Variants in HTR3D observed in about 807,000 individuals in gnomAD.
The protein encoded by HTR3D is 5-hydroxytryptamine receptor 3D.
Under a neutral mutation model 45.8 loss-of-function variants are expected in HTR3D, and 47 were observed. That is an observed-to-expected ratio of 1.03 (90% CI 0.81 to 1.31). HTR3D has a LOEUF of 1.31. HTR3D is among the 50% of genes most tolerant of loss of function. The pLI, the probability that HTR3D is intolerant of heterozygous loss-of-function variation, is 0.00. For synonymous variants in HTR3D, 203 were observed against 199.8 expected (o/e 1.02, Z -0.13); for missense variants, 448 against 506.9 (o/e 0.88, Z 1.12).
Position 184,038,680 on chromosome 3 carries a change from T to C in HTR3D, c.985+56T>C. 1.3e-6 allele frequency: 2 copies of C among 1,569,998 alleles called. No individual in the cohort carries two copies. The highest frequency in any genetic ancestry group is 1.7e-6 in the Non-Finnish European group (2 of 1,156,244). On this transcript the variant is annotated intron_variant, in intron 7 of 7. Transcript: ENST00000428798. The surrounding 1 kb of genome is among the most constrained non-coding windows in gnomAD (Gnocchi z 4.5). ...CCTCCACTTCTCTGCTCCTGCCTCC[T>C]TCCCTGTCTCCCTCCCTCCACAGGT...
chr3:184,036,888 A>G lies in HTR3D; in HGVS notation c.508A>G (p.Ile170Val), dbSNP rs1576978781. The G allele has an allele frequency of 6.4e-7, 1 of 1,551,456 alleles. No individual in the cohort carries two copies. Among genetic ancestry groups the G allele is most frequent in the East Asian group, 2.4e-5 (1 of 40,918 alleles). ...GGCCACTAACCAGTATGAACAAGCC[A>G]TCTTCCATGTGAGCTCAGGGGCCAA... ...TVATNQYEQA[I>V]FHVAIRRRCR... Residue 170 changes from isoleucine (I) to valine (V), a missense_variant, in exon 5 of 8, where the codon ATC becomes GTC. Transcript: ENST00000428798.
chr3:184,037,921 T>C lies in HTR3D; in HGVS notation c.517-100T>C, dbSNP rs1411718500. The C allele has an allele frequency of 1.7e-5, 25 of 1,436,138 alleles. No individual in the cohort carries two copies. The Admixed American group carries it at 4.9e-4, about 28-fold the overall frequency. The allele number at this position is 1,436,138 out of a possible 1,614,324, so 89.0% of individuals were successfully genotyped here. On this transcript the variant is annotated intron_variant, in intron 5 of 7. Transcript: ENST00000428798. The stretch of plus-strand genomic sequence containing the variant: ...GGGACGGGAGGTAATATTTCCTTAC[T>C]AGACAGTTTGGCCTGGGACAAATCC...
intron 1 of HTR3D, among the ~76,000 whole-genome samples, chr3:184,033,762 C>T (rs1488949119): frequency 1.3e-5 from 2 of 151,944 alleles, no homozygotes; most frequent in East Asian, 1.9e-4. Flanking sequence ...ACTAAAAATA[C>T]AAAAATTAGC....
At chr3:184,035,313 G>T (rs1331460884) in intron 2 of HTR3D, 91 bp downstream of exon 2, 13 of 1,066,156 alleles carry the variant, frequency 1.2e-5, no homozygotes, top group Non-Finnish European at 1.8e-5. Context: ...ATTGGTTAAA[G>T]CTGAGAATAT....
chr3:184,032,846 C>T (rs1722786721), intron 1 of HTR3D: 2 of 1,551,642 alleles, frequency 1.3e-6, no homozygotes, highest in Non-Finnish European at 1.7e-6. Flanking sequence ...GAAACACTCT[C>T]CAGGCCCCCC....
chr3:184,033,947 C>A (rs1183504674), intron 1 of HTR3D, among the ~76,000 whole-genome samples: 2 of 151,946 alleles, frequency 1.3e-5, no homozygotes, highest in Admixed American at 6.6e-5. Flanking sequence ...AATTAAAAAA[C>A]CAGAAAATAA....
intron 5 of HTR3D, 77 bp downstream of exon 5, chr3:184,036,973 C>T: frequency 1.4e-6 from 2 of 1,409,378 alleles, no homozygotes; most frequent in Non-Finnish European, 1.9e-6. Flanking sequence ...GGTGATCCGC[C>T]CGCCTCGGCC....
At chr3:184,036,324 T>C in intron 3 of HTR3D, 51 bp from the exon 4 acceptor site, 1 of 1,600,616 alleles carries the variant, frequency 6.2e-7, no homozygotes, top group Non-Finnish European at 8.5e-7. Flanking sequence ...CCAAGTCTGA[T>C]GGGGAAACCC....
chr3:184,032,813 GC>G (rs2108958869), intron 1 of HTR3D: 2 of 1,525,684 alleles, frequency 1.3e-6, no homozygotes, highest in Admixed American at 2.0e-5. Context: ...TTCTCCCAGT[GC>G]CCCCTGTTTT....
chr3:184,034,724 G>A (rs1281153475), intron 1 of HTR3D, among the ~76,000 whole-genome samples: 1 of 116,720 alleles, frequency 8.6e-6, no homozygotes, highest in Admixed American at 7.8e-5. Context: ...GGGAGGCTGA[G>A]GCAGGAGGCA....
chr3:184,031,937 C>T, intron 1 of HTR3D, 130 bp downstream of exon 1: 1 of 648,690 alleles, frequency 1.5e-6, no homozygotes, highest in South Asian at 1.7e-5. Flanking sequence ...ATGCTCGTGA[C>T]ACTGATGGCT....
intron 1 of HTR3D, 45 bp from the exon 2 acceptor site, chr3:184,035,133 C>A (rs1292400796): frequency 1.3e-6 from 2 of 1,551,500 alleles, no homozygotes; most frequent in Non-Finnish European, 1.7e-6. Flanking sequence ...GGCATGGGAC[C>A]TGCCTTCCTG....
At chr3:184,035,334 G>A (rs971991654) in intron 2 of HTR3D, 112 bp downstream of exon 2, 1 of 944,160 alleles carries the variant, frequency 1.1e-6, no homozygotes. Flanking sequence ...CCATAAATTA[G>A]ACAAGTTCAA....
At chr3:184,032,260 T>C (rs1722771300) in intron 1 of HTR3D, among the ~76,000 whole-genome samples, 1 of 152,174 alleles carries the variant, frequency 6.6e-6, no homozygotes, top group Non-Finnish European at 1.5e-5. Context: ...TCCCAAAGTG[T>C]TGGGATTACA....
In HTR3D at chr3:184,035,025, C is replaced by T. The variant is rs78510673; in HGVS notation, c.67-153C>T. 2.5e-4 allele frequency: 373 copies of T among 1,469,576 alleles called. 1 individual carries two copies. In the African/African-American group the frequency reaches 4.7e-3, roughly 19 times the overall value. 91.0% of individuals were successfully genotyped at this position (1,469,576 alleles called of 1,614,324 possible). ...TTTTTCATTTACATTTTCCATGTAC[C>T]TTGAATTGTTTTGATCTACATCATT... On this transcript the variant is annotated intron_variant, in intron 1 of 7. Transcript: ENST00000428798.
At chr3:184,035,365 C>T in intron 2 of HTR3D, 143 bp downstream of exon 2, 1 of 800,952 alleles carries the variant, frequency 1.2e-6, no homozygotes, top group South Asian at 1.7e-5. Context: ...AATGAAAATA[C>T]AAAACTTTCT....
intron 1 of HTR3D, chr3:184,033,039 C>T: frequency 1.3e-6 from 2 of 1,551,712 alleles, no homozygotes; most frequent in Non-Finnish European, 1.7e-6. Context: ...ATCTCCTTCA[C>T]CTTGTCTGCC....
chr3:184,031,957 T>C lies in HTR3D; in HGVS notation c.66+150T>C, dbSNP rs921103689. The C allele has an allele frequency of 1.3e-5, 8 of 596,776 alleles. No individual in the cohort carries two copies. In the African/African-American group the frequency reaches 1.5e-4, roughly 11 times the overall value. 37.0% of individuals were successfully genotyped at this position (596,776 alleles called of 1,614,324 possible). A position where few individuals can be genotyped will look rare whatever the true frequency, so the allele number is the denominator to read the frequency against. On this transcript the variant is annotated intron_variant, in intron 1 of 7. Coordinates refer to ENST00000428798, the MANE Select transcript of HTR3D (RefSeq NM_001145143.1). ...CGTGACACTGATGGCTTTGTACCTC[T>C]TCCTAGGATCCTAATATTTAGTTAA...
chr3:184,035,956 G>T (rs1417069117), intron 2 of HTR3D, 59 bp from the exon 3 acceptor site: 1 of 1,529,682 alleles, frequency 6.5e-7, no homozygotes, highest in African/African-American at 1.4e-5. Flanking sequence ...GCCTTCCAAA[G>T]TGCTGGGATT....
Sources: allele counts gnomAD v4.1 joint callset (sites outside exome capture counted in the v4.1 genomes callset), GRCh38; gene constraint gnomAD v4.1.1; non-coding constraint Gnocchi (gnomAD v3.1); transcripts MANE v1.5; gene names NCBI Gene and HGNC (gene_info 2026-07-23, HGNC 2026-07-21).